PGGT1B: variants seen among roughly 807,000 people sequenced by gnomAD.
The protein encoded by PGGT1B is geranylgeranyl transferase type-1 subunit beta.
Under a neutral mutation model 46.1 loss-of-function variants are expected in PGGT1B, and 30 were observed. That is an observed-to-expected ratio of 0.65 (90% CI 0.49 to 0.88). The LOEUF (loss-of-function observed/expected upper bound fraction) is 0.88. Ranked by LOEUF, PGGT1B falls within the 40% of genes least tolerant of loss-of-function variation. PGGT1B has a pLI of 0.00. For missense variants in PGGT1B, 376 were observed against 455.9 expected (o/e 0.82, Z 1.60); for synonymous variants, 170 against 160.0 (o/e 1.06, Z -0.47).
intron 8 of PGGT1B, among the ~76,000 whole-genome samples, chr5:115,215,032 T>C (rs1756370279): frequency 6.6e-6 from 1 of 152,244 alleles, no homozygotes. Flanking sequence ...AGAGTCTCGC[T>C]CTGTCGCCCA....
chr5:115,248,846 T>C (rs1320704437), intron 2 of PGGT1B, among the ~76,000 whole-genome samples: 2 of 152,192 alleles, frequency 1.3e-5, no homozygotes, highest in Non-Finnish European at 2.9e-5. Context: ...GACAGGCCAA[T>C]TAGGTGAAGA....
At chr5:115,219,808 C>A (rs1473022962) in intron 7 of PGGT1B, among the ~76,000 whole-genome samples, 1 of 151,534 alleles carries the variant, frequency 6.6e-6, no homozygotes, top group Admixed American at 6.6e-5. Flanking sequence ...AGAAGATATA[C>A]AAATGACCAA....
intron 6 of PGGT1B, among the ~76,000 whole-genome samples, chr5:115,229,538 T>A (rs1178349422): frequency 2.0e-5 from 3 of 152,146 alleles, no homozygotes; most frequent in African/African-American, 4.8e-5. Context: ...GATTTTTTCC[T>A]GACAGGACCC....
rs538081298 is a variant in PGGT1B, at chr5:115,222,885, G to A, written c.659-877C>T. Among the ~76,000 whole-genome samples, 6 of 152,176 alleles carry A rather than the reference G, an allele frequency of 3.9e-5. No individual in the cohort carries two copies. The South Asian group carries it at 6.2e-4, about 16-fold the overall frequency. ...TCGCAAGGACAGAAAACCAAACACC[G>A]CATGTTCTCACTCATAGGTGGGAAC... On this transcript the variant is annotated intron_variant, in intron 6 of 8. Coordinates refer to ENST00000419445, the MANE Select transcript of PGGT1B (RefSeq NM_005023.4).
intron 2 of PGGT1B, among the ~76,000 whole-genome samples, chr5:115,247,093 C>G (rs564596315): frequency 6.6e-6 from 1 of 152,262 alleles, no homozygotes; most frequent in South Asian, 2.1e-4. Context: ...ATTAAGCTGA[C>G]TCTTGCCTGA....
At chr5:115,252,894 T>C in intron 2 of PGGT1B, 2 of 436,352 alleles carry the variant, frequency 4.6e-6, no homozygotes, top group South Asian at 5.6e-5. Flanking sequence ...GTATACAACA[T>C]AGTATGGTGC....
At chr5:115,255,665 T>G (rs560192105) in intron 1 of PGGT1B, among the ~76,000 whole-genome samples, 1 of 152,122 alleles carries the variant, frequency 6.6e-6, no homozygotes, top group Non-Finnish European at 1.5e-5. Flanking sequence ...TTCCTGTCAG[T>G]AAAAGCTATG....
At chr5:115,238,524 AT>A (rs1561479632) in intron 3 of PGGT1B, among the ~76,000 whole-genome samples, 3 of 151,976 alleles carry the variant, frequency 2.0e-5, no homozygotes, top group Middle Eastern at 3.2e-3. Flanking sequence ...TTTAAGTCTT[AT>A]AAAGTCAGAA....
intron 1 of PGGT1B, among the ~76,000 whole-genome samples, chr5:115,254,526 T>C (rs72813838): frequency 0.041 from 6,206 of 151,888 alleles, 129 homozygotes; most frequent in South Asian, 0.058. Context: ...GATTTTGGAG[T>C]CTCTCAGATT....
At chr5:115,224,204 T>G (rs1756684975) in intron 6 of PGGT1B, among the ~76,000 whole-genome samples, 2 of 152,224 alleles carry the variant, frequency 1.3e-5, no homozygotes, top group Non-Finnish European at 2.9e-5. Flanking sequence ...GTTCCAATTT[T>G]TCTTTCATGA....
chr5:115,254,399 A>G (rs1319601732), intron 1 of PGGT1B, among the ~76,000 whole-genome samples: 1 of 152,050 alleles, frequency 6.6e-6, no homozygotes, highest in African/African-American at 2.4e-5. Context: ...CATCTTACAC[A>G]CGAAGCTTAT....
chr5:115,254,335 C>A lies in PGGT1B; in HGVS notation c.141-1080G>T, dbSNP rs538060390. On this transcript the variant is annotated intron_variant, in intron 1 of 8. Coordinates refer to ENST00000419445, the MANE Select transcript of PGGT1B (RefSeq NM_005023.4). ...ATATTTGCATATACATGAGATGATA[C>A]CCCACTGGGACAGGACCCAAATCTA... 6.3e-4 allele frequency among the ~76,000 whole-genome samples: 95 copies of A among 151,976 alleles called. 1 individual carries two copies. The highest frequency in any genetic ancestry group is 2.3e-3 in the African/African-American group (94 of 41,480).
rs1756601965 is a variant in PGGT1B at position 115,221,929 on chromosome 5, G to A, written c.738C>T (p.Asn246=). The A allele has an allele frequency of 6.2e-7, 1 of 1,604,086 alleles. No homozygotes were observed. The highest frequency in any genetic ancestry group is 2.3e-5 in the East Asian group (1 of 44,204). The change falls in exon 7 of 9, where the codon AAC becomes AAT. Residue 246 remains asparagine, a synonymous_variant. Coordinates refer to ENST00000419445, the MANE Select transcript of PGGT1B (RefSeq NM_005023.4). ...TCATTATACACCACCTCTTTATCCT[G>A]TTCAATTCTTTTTCTGAAAAAACTT... ...LEEVFSEKEL[N]RIKRWCIMRQ... is the part of the protein sequence containing the mutation.
intron 2 of PGGT1B, among the ~76,000 whole-genome samples, chr5:115,244,932 G>A (rs373926704): frequency 2.1e-4 from 32 of 152,218 alleles, no homozygotes; most frequent in African/African-American, 6.7e-4. Context: ...TCTCTAGTTG[G>A]ATGAGGGGCA....
rs1220614315 is a variant in PGGT1B, at chr5:115,211,848, A to T, written c.*554T>A. 1.3e-5 allele frequency: 2 copies of T among 153,000 alleles called. No homozygotes were observed. The highest frequency in any genetic ancestry group is 4.8e-5 in the African/African-American group (2 of 41,460). 9.5% of individuals were successfully genotyped at this position (153,000 alleles called of 1,614,324 possible). On this transcript the variant is annotated 3_prime_UTR_variant, in exon 9 of 9. Coordinates refer to ENST00000419445, the MANE Select transcript of PGGT1B (RefSeq NM_005023.4). ...CTATGAAGTTATTAACTTCATTTATATAGGCCACACAGGTTTAATTGGCAC... is the reference window on the plus strand; with the variant it reads ...CTATGAAGTTATTAACTTCATTTATTTAGGCCACACAGGTTTAATTGGCAC...
rs906541710 is a variant in PGGT1B at position 115,211,303 on chromosome 5, G to A, written c.*1099C>T. The A allele has an allele frequency of 6.6e-6, 1 of 151,644 alleles. No homozygotes were observed. Among genetic ancestry groups the A allele is most frequent in the Admixed American group, 6.6e-5 (1 of 15,218 alleles). 9.4% of individuals were successfully genotyped at this position (151,644 alleles called of 1,614,324 possible). On this transcript the variant is annotated 3_prime_UTR_variant, in exon 9 of 9. Coordinates refer to ENST00000419445, the MANE Select transcript of PGGT1B (RefSeq NM_005023.4). ...GTTCATAGACTTAAAACAAAACAAT[G>A]AACAAAAACAAAACCCTATTTCTTA...
At chr5:115,221,359 T>G (rs1286012102) in intron 7 of PGGT1B, among the ~76,000 whole-genome samples, 1 of 151,918 alleles carries the variant, frequency 6.6e-6, no homozygotes, top group African/African-American at 2.4e-5. Context: ...AATTGATGAG[T>G]TTCAGAAGGT....
intron 1 of PGGT1B, among the ~76,000 whole-genome samples, chr5:115,259,215 T>C (rs964772723): frequency 1.3e-5 from 2 of 152,190 alleles, no homozygotes; most frequent in African/African-American, 4.8e-5. Flanking sequence ...TCTCTAACTT[T>C]AGCCTGCTTT....
Position 115,237,926 on chromosome 5 carries a change from G to A in PGGT1B, c.411C>T (p.Asp137=), listed in dbSNP as rs547696567. The part of the protein sequence containing the change: ...TGLSCLVILG[D]DLSRVNKEAC... ...CTTCTTTATTTACTCGGCTTAAGTC[G>A]TCTCCAAGAATAACTAAGCATGAGA... is the stretch of plus-strand genomic sequence containing the variant. Residue 137 remains aspartate, a synonymous_variant, in exon 4 of 9, where the codon GAC becomes GAT. Coordinates refer to ENST00000419445, the MANE Select transcript of PGGT1B (RefSeq NM_005023.4). 107 of 1,612,230 alleles carry A rather than the reference G, an allele frequency of 6.6e-5. 1 individual carries two copies. Among genetic ancestry groups the A allele is most frequent in the South Asian group, 2.1e-4 (19 of 90,992 alleles).
Sources: allele counts gnomAD v4.1 joint callset (sites outside exome capture counted in the v4.1 genomes callset), GRCh38; gene constraint gnomAD v4.1.1; transcripts MANE v1.5; gene names NCBI Gene and HGNC (gene_info 2026-07-23, HGNC 2026-07-21).